The following RHOU variants were observed in gnomAD, a reference collection of about 807,000 sequenced individuals.
The protein encoded by RHOU is rho-related GTP-binding protein RhoU.
A neutral mutation model predicts 12.6 loss-of-function variants in RHOU; 8 were observed. The ratio of observed to expected loss-of-function variants is 0.64; its 90% CI spans 0.37 to 1.15. The LOEUF (loss-of-function observed/expected upper bound fraction) is 1.15, where lower values mean the gene tolerates loss of function less well. RHOU is among the 50% of genes most tolerant of loss of function. The probability of loss-of-function intolerance (pLI) is 0.01; values close to 1 mark genes in which losing one functional copy is unlikely to be tolerated. For missense variants in RHOU, 258 were observed against 347.0 expected, an observed-to-expected ratio of 0.74 and a Z score of 2.04; for synonymous variants, 161 against 147.4, an observed-to-expected ratio of 1.09 and a Z score of -0.67.
chr1:228,730,347 G>C, the RHOU span, among the ~76,000 whole-genome samples: 1 of 152,296 alleles, frequency 6.6e-6, no homozygotes, highest in Middle Eastern at 3.4e-3. Context: ...ATGAGGTGTA[G>C]GGACTGCAGC....
At chr1:228,653,387 T>C in the RHOU span, among the ~76,000 whole-genome samples, 1 of 152,170 alleles carries the variant, frequency 6.6e-6, no homozygotes, top group Non-Finnish European at 1.5e-5. Context: ...TGGTGCCATC[T>C]CGGCTCACTG....
At chr1:228,652,965 G>A in the RHOU span, among the ~76,000 whole-genome samples, 68 of 152,180 alleles carry the variant, frequency 4.5e-4, 1 homozygote, top group South Asian at 0.013. Flanking sequence ...GACTTCATGA[G>A]TATACTTATT....
Position 228,738,310 on chromosome 1 carries a change from G to C in RHOU, c.321+579G>C, listed in dbSNP as rs1303609439. On this transcript the variant is annotated intron_variant, in intron 2 of 2. Coordinates refer to ENST00000366691, the MANE Select transcript of RHOU (RefSeq NM_021205.6). The surrounding 1 kb of genome is among the most constrained non-coding windows in gnomAD (Gnocchi z 4.2). ...GGCTTATTCTATCCAAACTGTGAAC[G>C]CTGGTTCTTGTCTCGAGGGCTGGGC... is the stretch of plus-strand genomic sequence containing the variant. Among the ~76,000 whole-genome samples the C allele has an allele frequency of 1.3e-5, 2 of 152,188 alleles. No individual in the cohort carries two copies. Among genetic ancestry groups the C allele is most frequent in the African/African-American group, 4.8e-5 (2 of 41,432 alleles).
chr1:228,649,247 C>G, the RHOU span, among the ~76,000 whole-genome samples: 338 of 152,218 alleles, frequency 2.2e-3, 3 homozygotes, highest in Middle Eastern at 0.024. Flanking sequence ...ATATGGCAAA[C>G]ATTACTAATT....
chr1:228,678,176 G>A, the RHOU span, among the ~76,000 whole-genome samples: 1 of 152,202 alleles, frequency 6.6e-6, no homozygotes, highest in Non-Finnish European at 1.5e-5. Context: ...CTTAAGGATA[G>A]ATTTCCATGA....
the RHOU span, among the ~76,000 whole-genome samples, chr1:228,712,253 G>C: frequency 6.7e-6 from 1 of 150,326 alleles, no homozygotes; most frequent in African/African-American, 2.5e-5. Flanking sequence ...TCAGTGTGGC[G>C]ATTCCTCAGG....
At chr1:228,711,451 C>A in the RHOU span, among the ~76,000 whole-genome samples, 1 of 151,936 alleles carries the variant, frequency 6.6e-6, no homozygotes, top group African/African-American at 2.4e-5. Context: ...GTACTGGTAC[C>A]AAAACAGAGA....
chr1:228,688,568 G>T, the RHOU span, among the ~76,000 whole-genome samples: 1 of 152,156 alleles, frequency 6.6e-6, no homozygotes, highest in East Asian at 1.9e-4. Context: ...AGTCCACCCA[G>T]TGTGGGGAAT....
At chr1:228,671,259 C>A in the RHOU span, among the ~76,000 whole-genome samples, 1 of 152,146 alleles carries the variant, frequency 6.6e-6, no homozygotes, top group Non-Finnish European at 1.5e-5. Context: ...CTCGCCTTGA[C>A]CTCCCAAAGT....
At chr1:228,742,889 T>C (rs1662752873) in intron 2 of RHOU, among the ~76,000 whole-genome samples, 1 of 152,196 alleles carries the variant, frequency 6.6e-6, no homozygotes, top group Admixed American at 6.5e-5. Context: ...GTGGTCTGAA[T>C]TTTAGAAGAG....
At chr1:228,726,522 A>C in the RHOU span, among the ~76,000 whole-genome samples, 25,187 of 152,076 alleles carry the variant, frequency 0.17, 2,274 homozygotes, top group South Asian at 0.22. Context: ...AAAATTAGCC[A>C]GGCGTGGTGG....
At chr1:228,687,395 G>T in the RHOU span, 1 of 1,007,550 alleles carries the variant, frequency 9.9e-7, no homozygotes, top group Admixed American at 1.7e-5. Context: ...AAAGGTAAAG[G>T]AAACCCCAAC....
the RHOU span, among the ~76,000 whole-genome samples, chr1:228,681,425 A>C: frequency 4.3e-4 from 66 of 152,232 alleles, no homozygotes; most frequent in South Asian, 3.7e-3. Context: ...ATGGGTCAGC[A>C]GAAAAGGAAG....
At position 228,745,265 on chromosome 1, in the gene RHOU, C is replaced by T. The variant is rs1369165963; in HGVS notation, c.*1525C>T. ...CTCTGGTAGGAATGCTTCCGAGACA[C>T]CACAAGGCAGCCTGAACACTCAGTT... is the stretch of plus-strand genomic sequence containing the variant. On this transcript the variant is annotated 3_prime_UTR_variant, in exon 3 of 3. Coordinates refer to ENST00000366691, the MANE Select transcript of RHOU (RefSeq NM_021205.6). The T allele has an allele frequency of 6.6e-6, 1 of 152,206 alleles. No individual in the cohort carries two copies. The highest frequency in any genetic ancestry group is 1.5e-5 in the Non-Finnish European group (1 of 68,040). 9.4% of individuals were successfully genotyped at this position (152,206 alleles called of 1,614,324 possible). A position where few individuals can be genotyped will look rare whatever the true frequency, so the allele number is the denominator to read the frequency against.
chr1:228,720,242 C>T, the RHOU span, among the ~76,000 whole-genome samples: 1 of 152,108 alleles, frequency 6.6e-6, no homozygotes, highest in African/African-American at 2.4e-5. Flanking sequence ...GTACAAACAA[C>T]AAACATTTTA....
chr1:228,654,239 C>T, the RHOU span, among the ~76,000 whole-genome samples: 1 of 152,042 alleles, frequency 6.6e-6, no homozygotes, highest in Non-Finnish European at 1.5e-5. Flanking sequence ...TCCTAAGTAC[C>T]TGGAAACTAC....
chr1:228,737,487 G>T lies in RHOU; in HGVS notation c.263-186G>T, dbSNP rs139990920. Among the ~76,000 whole-genome samples, 1 of 152,294 alleles carries T rather than the reference G, an allele frequency of 6.6e-6. No homozygotes were observed. The highest frequency in any genetic ancestry group is 2.1e-4 in the South Asian group (1 of 4,824). ...ACGGTAATGGAGTGACTTGCCAGCC[G>T]TGGGTTTGTATACAAAAATGCCTCC... On this transcript the variant is annotated intron_variant, in intron 1 of 2. Transcript: ENST00000366691. This position sits in a 1 kb window ranked among gnomAD's most constrained non-coding sequence, Gnocchi z 4.1.
the RHOU span, among the ~76,000 whole-genome samples, chr1:228,658,307 G>T: frequency 7.2e-6 from 1 of 139,814 alleles, no homozygotes; most frequent in Non-Finnish European, 1.6e-5. Context: ...AAAAAAAAAA[G>T]GGTAAAAAGG....
At chr1:228,671,246 C>G in the RHOU span, among the ~76,000 whole-genome samples, 1 of 152,124 alleles carries the variant, frequency 6.6e-6, no homozygotes, top group African/African-American at 2.4e-5. Context: ...CTCAGGTGAT[C>G]CACTCGCCTT....
Sources: gnomAD v4.1 joint callset for allele counts (sites outside exome capture counted in the v4.1 genomes callset) on GRCh38, gnomAD v4.1.1 for gene constraint, Gnocchi (gnomAD v3.1) non-coding constraint, MANE v1.5 for transcripts, NCBI Gene and HGNC (gene_info 2026-07-23, HGNC 2026-07-21) for gene names.